The following PTPRD variants were observed in gnomAD, a reference collection of about 807,000 sequenced individuals.
The protein encoded by PTPRD is protein tyrosine phosphatase receptor type D.
Under a neutral mutation model 214.5 loss-of-function variants are expected in PTPRD, and 34 were observed. The observed-to-expected ratio is 0.16, with a 90% confidence interval of 0.12 to 0.21. The LOEUF (loss-of-function observed/expected upper bound fraction) is 0.21, where lower values mean the gene tolerates loss of function less well. PTPRD is among the 10% of genes least tolerant of loss of function. The probability of loss-of-function intolerance (pLI) is 1.00; values close to 1 mark genes in which losing one functional copy is unlikely to be tolerated. For synonymous variants in PTPRD, 1,128 were observed against 845.7 expected (o/e 1.33, Z -5.79); for missense variants, 2,545 against 2,398.7 (o/e 1.06, Z -1.27).
At chr9:8,902,525 AG>A (rs1243497322) in intron 11 of PTPRD, among the ~76,000 whole-genome samples, 3 of 151,730 alleles carry the variant, frequency 2.0e-5, no homozygotes, top group African/African-American at 7.3e-5. Context: ...TTGTATTTTT[AG>A]TAGAGACAGG....
intron 10 of PTPRD, among the ~76,000 whole-genome samples, chr9:9,179,165 A>C (rs1593009222): frequency 6.6e-6 from 1 of 152,266 alleles, no homozygotes; most frequent in South Asian, 2.1e-4. Context: ...TCAAAGATTT[A>C]ATAAAATTCC....
At chr9:9,409,784 C>G (rs930039838) in intron 8 of PTPRD, among the ~76,000 whole-genome samples, 4 of 152,170 alleles carry the variant, frequency 2.6e-5, no homozygotes, top group Non-Finnish European at 4.4e-5. Flanking sequence ...TGCTGTATGT[C>G]AGTATCTCAA....
At chr9:9,885,563 G>A (rs78880390) in intron 5 of PTPRD, among the ~76,000 whole-genome samples, 2,031 of 152,050 alleles carry the variant, frequency 0.013, 30 homozygotes, top group African/African-American at 0.04. Context: ...TGAGATGGGG[G>A]GACTAGTCTG....
intron 39 of PTPRD, among the ~76,000 whole-genome samples, chr9:8,362,356 A>C (rs1489954981): frequency 6.6e-6 from 1 of 152,202 alleles, no homozygotes; most frequent in Non-Finnish European, 1.5e-5. Flanking sequence ...TGGATTTCAG[A>C]CTATAGTACC....
At chr9:9,970,940 T>A (rs927529410) in intron 4 of PTPRD, among the ~76,000 whole-genome samples, 1 of 152,226 alleles carries the variant, frequency 6.6e-6, no homozygotes, top group Non-Finnish European at 1.5e-5. Flanking sequence ...ATTTTAAATT[T>A]AAATTTTCAG....
At chr9:10,369,558 G>A (rs1193016800) in intron 2 of PTPRD, among the ~76,000 whole-genome samples, 1 of 152,014 alleles carries the variant, frequency 6.6e-6, no homozygotes, top group East Asian at 1.9e-4. Context: ...GAGGCTAGTG[G>A]AAATGAAACC....
At chr9:10,442,827 G>C (rs1037768615) in intron 2 of PTPRD, among the ~76,000 whole-genome samples, 2 of 151,400 alleles carry the variant, frequency 1.3e-5, no homozygotes, top group Non-Finnish European at 3.0e-5. Flanking sequence ...TGGGAAAATA[G>C]GATACACTAA....
At chr9:10,584,550 C>A (rs79881893) in intron 2 of PTPRD, among the ~76,000 whole-genome samples, 2 of 152,236 alleles carry the variant, frequency 1.3e-5, no homozygotes, top group African/African-American at 2.4e-5. Context: ...CAGTGGTGAA[C>A]CCAAGAACTA....
At chr9:8,575,475 C>T (rs1156714735) in intron 14 of PTPRD, among the ~76,000 whole-genome samples, 1 of 152,078 alleles carries the variant, frequency 6.6e-6, no homozygotes, top group Non-Finnish European at 1.5e-5. Flanking sequence ...CTGTTGCTGT[C>T]TTAATTCTTG....
At chr9:9,859,068 G>A (rs764641274) in intron 5 of PTPRD, among the ~76,000 whole-genome samples, 1 of 152,088 alleles carries the variant, frequency 6.6e-6, no homozygotes, top group Non-Finnish European at 1.5e-5. Context: ...TCTCGTGACA[G>A]TGAGTTCTCA....
chr9:9,993,345 T>G (rs2096013781), intron 4 of PTPRD, among the ~76,000 whole-genome samples: 1 of 152,232 alleles, frequency 6.6e-6, no homozygotes, highest in East Asian at 1.9e-4. Context: ...TCAAAGTGCG[T>G]ACAAGAATGT....
intron 43 of PTPRD, among the ~76,000 whole-genome samples, chr9:8,336,053 A>AT (rs1846351677): frequency 6.6e-6 from 1 of 151,630 alleles, no homozygotes; most frequent in Non-Finnish European, 1.5e-5. Flanking sequence ...TTATAGATTC[A>AT]ATGCCATCCC....
intron 7 of PTPRD, among the ~76,000 whole-genome samples, chr9:9,664,083 C>A: frequency 8.6e-6 from 1 of 116,100 alleles, no homozygotes; most frequent in Admixed American, 1.0e-4. Context: ...ATTTACACTC[C>A]TGTGTAAAAA....
chr9:9,303,952 C>G (rs543604222), intron 9 of PTPRD, among the ~76,000 whole-genome samples: 1 of 152,064 alleles, frequency 6.6e-6, no homozygotes, highest in African/African-American at 2.4e-5. Context: ...GATTGCATTA[C>G]GGGGCTTCTA....
chr9:10,350,564 C>A (rs1597784601), intron 2 of PTPRD, among the ~76,000 whole-genome samples: 1 of 152,152 alleles, frequency 6.6e-6, no homozygotes, highest in South Asian at 2.1e-4. Context: ...AACATATTGT[C>A]ATTATTTCTA....
chr9:9,157,751 C>G (rs1332207823), intron 10 of PTPRD, among the ~76,000 whole-genome samples: 2 of 152,016 alleles, frequency 1.3e-5, no homozygotes, highest in Non-Finnish European at 2.9e-5. Flanking sequence ...TGTACACGTC[C>G]AGGATGTGCA....
intron 4 of PTPRD, among the ~76,000 whole-genome samples, chr9:9,943,916 C>A (rs1174145679): frequency 6.6e-6 from 1 of 152,162 alleles, no homozygotes; most frequent in Non-Finnish European, 1.5e-5. Flanking sequence ...GTCCATGCTC[C>A]TTCACCAATG....
Position 9,643,645 on chromosome 9 carries a change from G to T in PTPRD, c.-286-68864C>A, listed in dbSNP as rs553900318. Among the ~76,000 whole-genome samples, 27 of 152,104 alleles carry T rather than the reference G, an allele frequency of 1.8e-4. 1 individual carries two copies. The highest frequency in any genetic ancestry group is 2.6e-4 in the Non-Finnish European group (18 of 67,972). On this transcript the variant is annotated intron_variant, in intron 7 of 45. Coordinates refer to ENST00000381196, the MANE Select transcript of PTPRD (RefSeq NM_002839.4). ...TAGAAAATGGAAAAGAGAATCAAAC[G>T]AACAAAATCTATTTTTCTAAATTAA...
chr9:8,934,848 G>A (rs2098985883), intron 11 of PTPRD, among the ~76,000 whole-genome samples: 1 of 151,970 alleles, frequency 6.6e-6, no homozygotes, highest in East Asian at 1.9e-4. Flanking sequence ...CCATACGTAA[G>A]TGAGATTAAG....
Sources: gnomAD v4.1 joint callset for allele counts (sites outside exome capture counted in the v4.1 genomes callset) on GRCh38, gnomAD v4.1.1 for gene constraint, MANE v1.5 for transcripts, NCBI Gene and HGNC (gene_info 2026-07-23, HGNC 2026-07-21) for gene names.